The following VTCN1 variants were observed in gnomAD, a reference collection of about 807,000 sequenced individuals.
VTCN1 encodes the protein V-set domain-containing T-cell activation inhibitor 1.
VTCN1 carries 26 observed loss-of-function variants against 26.5 expected under a neutral mutation model. The observed-to-expected ratio is 0.98, with a 90% CI of 0.72 to 1.36. The LOEUF (loss-of-function observed/expected upper bound fraction) is 1.36. VTCN1 is among the 40% of genes most tolerant of loss of function. The pLI is 0.00. For missense variants in VTCN1, 298 were observed against 337.7 expected (o/e 0.88, Z 0.92); for synonymous variants, 116 against 130.7 (o/e 0.89, Z 0.77).
rs748539785 is a variant in VTCN1, at chr1:117,156,741, T to C, written c.278A>G (p.Gln93Arg). ...TGTCCGGCCTCTGAACATTTCATCC[T>C]GCTCCGACAGCTCATCTTTGCCTTC... ...FKEGKDELSE[Q>R]DEMFRGRTAV... Residue 93 changes from glutamine (Q) to arginine (R), a missense_variant, in exon 3 of 6, where the codon CAG becomes CGG. Physicochemically the swap from Gln to Arg is conservative, Grantham distance 43. Transcript: ENST00000369458. 1.2e-6 allele frequency: 2 copies of C among 1,614,096 alleles called. No individual in the cohort carries two copies. The highest frequency in any genetic ancestry group is 1.7e-6 in the Non-Finnish European group (2 of 1,180,028).
In VTCN1 at chr1:117,169,028, G is replaced by A. The variant is rs546035587; in HGVS notation, c.97+1079C>T. Reference sequence around the variant, plus strand: ...GTGCCAGCATGTCTACACTGGAGAAGCATGGCAGAAAGGCCACTGGAATAT... The same window carrying A: ...GTGCCAGCATGTCTACACTGGAGAAACATGGCAGAAAGGCCACTGGAATAT... On this transcript the variant is annotated intron_variant, in intron 2 of 5. Transcript: ENST00000369458. The surrounding 1 kb of genome is among the most constrained non-coding windows in gnomAD (Gnocchi z 4.0). 9.1e-4 allele frequency among the ~76,000 whole-genome samples: 138 copies of A among 152,350 alleles called. No individual in the cohort carries two copies. The highest frequency in any genetic ancestry group is 1.2e-3 in the Non-Finnish European group (85 of 68,038).
intron 1 of VTCN1, among the ~76,000 whole-genome samples, chr1:117,171,945 G>A (rs73008061): frequency 0.027 from 4,124 of 152,186 alleles, 118 homozygotes; most frequent in African/African-American, 0.07. Context: ...ACTCCATGAG[G>A]GGTCACCTGC....
intron 1 of VTCN1, among the ~76,000 whole-genome samples, chr1:117,190,972 TAAA>T (rs1648216346): frequency 6.6e-6 from 1 of 152,064 alleles, no homozygotes; most frequent in Non-Finnish European, 1.5e-5. Context: ...ATAATCATCT[TAAA>T]GAAGCTCAAT....
intron 1 of VTCN1, among the ~76,000 whole-genome samples, chr1:117,185,340 T>A (rs1647881912): frequency 6.6e-6 from 1 of 152,186 alleles, no homozygotes; most frequent in African/African-American, 2.4e-5. Flanking sequence ...TTCTACTACT[T>A]CATGGAAGCC....
At chr1:117,200,094 G>C (rs1383960723) in intron 1 of VTCN1, among the ~76,000 whole-genome samples, 1 of 152,172 alleles carries the variant, frequency 6.6e-6, no homozygotes, top group Non-Finnish European at 1.5e-5. Flanking sequence ...AAAAAGAAAA[G>C]AGTCATTTAT....
At chr1:117,148,654 A>C (rs1475797032) in intron 4 of VTCN1, among the ~76,000 whole-genome samples, 2 of 152,250 alleles carry the variant, frequency 1.3e-5, no homozygotes, top group Non-Finnish European at 2.9e-5. Flanking sequence ...AATATTTCTG[A>C]GTACCTACTA....
Position 117,173,120 on chromosome 1 carries a change from G to A in VTCN1, c.33-2949C>T, listed in dbSNP as rs1306297649. ...GAAGTCAGAGAGACCAGAACCCACA[G>A]GGAGGAGCAAACAACTCCGGAACAA... On this transcript the variant is annotated intron_variant, in intron 1 of 5. Transcript: ENST00000369458. 4 of 712,086 alleles carry A rather than the reference G, an allele frequency of 5.6e-6. No homozygotes were observed. In the African/African-American group the frequency reaches 7.0e-5, roughly 12 times the overall value. 44.1% of individuals were successfully genotyped at this position (712,086 alleles called of 1,614,324 possible).
chr1:117,153,511 G>C, intron 3 of VTCN1, 142 bp from the exon 4 acceptor site: 1 of 919,362 alleles, frequency 1.1e-6, no homozygotes, highest in South Asian at 1.9e-5. Context: ...CTTCCTCAGA[G>C]GTCCACCTGT....
chr1:117,166,662 A>G (rs1652628098), intron 2 of VTCN1, among the ~76,000 whole-genome samples: 1 of 151,250 alleles, frequency 6.6e-6, no homozygotes, highest in Admixed American at 6.6e-5. Context: ...CTCAAAAAAA[A>G]AAAAAAAGAA....
At chr1:117,192,787 G>T (rs1430246379) in intron 1 of VTCN1, among the ~76,000 whole-genome samples, 1 of 151,966 alleles carries the variant, frequency 6.6e-6, no homozygotes, top group East Asian at 1.9e-4. Context: ...AAAGAGAAAT[G>T]AATCAAAGAA....
chr1:117,173,885 G>T (rs1653060661), intron 1 of VTCN1, among the ~76,000 whole-genome samples: 1 of 152,272 alleles, frequency 6.6e-6, no homozygotes, highest in South Asian at 2.1e-4. Context: ...CATCACACCA[G>T]GCCCACGTTT....
At chr1:117,209,650 G>A (rs758253705) in intron 1 of VTCN1, among the ~76,000 whole-genome samples, 1 of 152,182 alleles carries the variant, frequency 6.6e-6, no homozygotes, top group East Asian at 1.9e-4. Context: ...GGGTCTAGAG[G>A]GAAGCCCCTG....
At chr1:117,181,411 A>T (rs1320879906) in intron 1 of VTCN1, among the ~76,000 whole-genome samples, 1 of 152,256 alleles carries the variant, frequency 6.6e-6, no homozygotes, top group African/African-American at 2.4e-5. Flanking sequence ...GACCACCTTT[A>T]AATGCACCGA....
At chr1:117,199,702 C>A (rs1044719543) in intron 1 of VTCN1, among the ~76,000 whole-genome samples, 3 of 146,642 alleles carry the variant, frequency 2.0e-5, no homozygotes, top group African/African-American at 7.7e-5. Context: ...GTGGTGCAGT[C>A]GTGGCTCACT....
At chr1:117,156,413 G>GT (rs1395115803) in intron 3 of VTCN1, among the ~76,000 whole-genome samples, 161 bp downstream of exon 3, 1 of 152,188 alleles carries the variant, frequency 6.6e-6, no homozygotes, top group Non-Finnish European at 1.5e-5. Flanking sequence ...TACTTTTGGG[G>GT]TTGGTGTGAG....
intron 1 of VTCN1, among the ~76,000 whole-genome samples, chr1:117,205,280 G>A (rs550261868): frequency 9.2e-5 from 14 of 151,656 alleles, no homozygotes; most frequent in African/African-American, 1.5e-4. Context: ...CCTCAGTCCC[G>A]AGTAGCTGGG....
chr1:117,170,756 A>T (rs909888829), intron 1 of VTCN1, among the ~76,000 whole-genome samples: 3 of 152,240 alleles, frequency 2.0e-5, no homozygotes, highest in Non-Finnish European at 2.9e-5. Flanking sequence ...GAAAATATAA[A>T]CAAGCAAAAA....
At chr1:117,150,761 A>G (rs911112947) in intron 4 of VTCN1, among the ~76,000 whole-genome samples, 1 of 152,236 alleles carries the variant, frequency 6.6e-6, no homozygotes, top group South Asian at 2.1e-4. Flanking sequence ...CTCATTAAAC[A>G]AAAACCTTTC....
rs368585991 is a variant in VTCN1, at chr1:117,170,318, C to A, written c.33-147G>T. ...TTCCACATAAGCTTGTTCCTAGAAA[C>A]GGGTACCTTAGAAAGGAATTTCAGC... On this transcript the variant is annotated intron_variant, in intron 1 of 5. Coordinates refer to ENST00000369458, the MANE Select transcript of VTCN1 (RefSeq NM_024626.4). 6 of 795,960 alleles carry A rather than the reference C, an allele frequency of 7.5e-6. No homozygotes were observed. The South Asian group carries it at 8.0e-5, about 11-fold the overall frequency. The allele number at this position is 795,960 out of a possible 1,614,324, so 49.3% of individuals were successfully genotyped here. A position where few individuals can be genotyped will look rare whatever the true frequency, so the allele number is the denominator to read the frequency against.
Sources: allele counts gnomAD v4.1 joint callset (sites outside exome capture counted in the v4.1 genomes callset), GRCh38; gene constraint gnomAD v4.1.1; non-coding constraint Gnocchi (gnomAD v3.1); transcripts MANE v1.5; gene names NCBI Gene and HGNC (gene_info 2026-07-23, HGNC 2026-07-21).